FRMD4A: variants seen among roughly 807,000 people sequenced by gnomAD.
FRMD4A encodes the protein FERM domain containing 4A, also known as FERM domain-containing protein 4A.
FRMD4A carries 29 observed loss-of-function variants against 129.1 expected under a neutral mutation model. That is an observed-to-expected ratio of 0.22 (90% CI 0.17 to 0.31). The LOEUF is 0.31. Among genes scored for constraint, FRMD4A ranks in the 10% least tolerant of loss-of-function variants. The probability of loss-of-function intolerance (pLI) is 1.00; values close to 1 mark genes in which losing one functional copy is unlikely to be tolerated. For synonymous variants in FRMD4A, 634 were observed against 571.6 expected (o/e 1.11, Z -1.56); for missense variants, 1,272 against 1,375.8 (o/e 0.92, Z 1.19).
intron 2 of FRMD4A, among the ~76,000 whole-genome samples, chr10:14,039,298 C>T (rs900628443): frequency 5.3e-5 from 8 of 152,210 alleles, no homozygotes; most frequent in African/African-American, 1.9e-4. Flanking sequence ...AGGTTTTTCA[C>T]ATCTAAAAAT....
chr10:13,849,232 G>A (rs1442140394), intron 3 of FRMD4A, among the ~76,000 whole-genome samples: 1 of 152,178 alleles, frequency 6.6e-6, no homozygotes, highest in Non-Finnish European at 1.5e-5. Context: ...CCCTCTGTCT[G>A]CTCCCAGCTT....
At chr10:14,326,774 C>T (rs147001574) in intron 2 of FRMD4A, 101 of 398,416 alleles carry the variant, frequency 2.5e-4, no homozygotes, top group African/African-American at 1.8e-3. Context: ...ACAAATGACA[C>T]GTAGCCAAGA....
At chr10:13,955,165 T>G (rs901844518) in intron 2 of FRMD4A, among the ~76,000 whole-genome samples, 6 of 130,964 alleles carry the variant, frequency 4.6e-5, no homozygotes, top group African/African-American at 1.7e-4. Flanking sequence ...TGGAGTGCAG[T>G]GGCTCAATCT....
rs10450541 is a variant in FRMD4A, at chr10:13,760,410, T to C, written c.464+1237A>G. ...GACTCATGCCTGTAGTCCCAGCAACTTGGGAGGCTGAGGCAGGAGGATCAC... is the reference window on the plus strand; with the variant it reads ...GACTCATGCCTGTAGTCCCAGCAACCTGGGAGGCTGAGGCAGGAGGATCAC... On this transcript the variant is annotated intron_variant, in intron 8 of 24. Coordinates refer to ENST00000357447, the MANE Select transcript of FRMD4A (RefSeq NM_018027.5). 2.7e-3 allele frequency among the ~76,000 whole-genome samples: 408 copies of C among 152,172 alleles called. 3 individuals carry two copies. The highest frequency in any genetic ancestry group is 9.2e-3 in the African/African-American group (382 of 41,526).
chr10:14,010,664 C>CTTTTTTTTTTTTTTTTT lies in FRMD4A; in HGVS notation c.46-151769_46-151753dup, dbSNP rs779471389. Among the ~76,000 whole-genome samples the CTTTTTTTTTTTTTTTTT allele has an allele frequency of 1.1e-3, 83 of 76,424 alleles. 11 individuals are homozygous for CTTTTTTTTTTTTTTTTT. Among genetic ancestry groups the CTTTTTTTTTTTTTTTTT allele is most frequent in the East Asian group, 7.0e-3 (11 of 1,566 alleles). The allele number at this position is 76,424 out of a possible 152,430, so 50.1% of individuals were successfully genotyped here. On this transcript the variant is annotated intron_variant, in intron 2 of 24. Coordinates refer to ENST00000357447, the MANE Select transcript of FRMD4A (RefSeq NM_018027.5). ...TCAAAATTAATTGTCGAGTTTAGGT[C>CTTTTTTTTTTTTTTTTT]TTTTTTTTTTTTTTTTTTTTTTTTA...
intron 2 of FRMD4A, among the ~76,000 whole-genome samples, chr10:14,156,657 C>T (rs1230005300): frequency 3.9e-5 from 6 of 152,102 alleles, no homozygotes; most frequent in Non-Finnish European, 7.4e-5. Flanking sequence ...TTATACCCTT[C>T]GTATGTTTCT....
chr10:13,684,976 T>G (rs915482357), intron 15 of FRMD4A: 2 of 983,740 alleles, frequency 2.0e-6, no homozygotes, highest in African/African-American at 3.5e-5. Context: ...AGGAAAAGGT[T>G]AGAATTCTTC....
At chr10:13,894,937 T>C (rs531341133) in intron 2 of FRMD4A, among the ~76,000 whole-genome samples, 2 of 152,358 alleles carry the variant, frequency 1.3e-5, no homozygotes, top group East Asian at 3.9e-4. Flanking sequence ...TCTTAACCTC[T>C]CTGTGCCTCA....
In FRMD4A at chr10:13,746,539, C is replaced by A. The variant is rs113449002; in HGVS notation, c.548+1197G>T. 7.5e-3 allele frequency among the ~76,000 whole-genome samples: 1,134 copies of A among 152,196 alleles called. 11 individuals are homozygous for A. The highest frequency in any genetic ancestry group is 0.022 in the African/African-American group (924 of 41,506). ...AGCCCTGCATCAAGACATGCCCTAC[C>A]CCAGACACACGAATCAGTGAACAAC... On this transcript the variant is annotated intron_variant, in intron 9 of 24. Transcript: ENST00000357447.
At chr10:14,266,733 A>G (rs979379674) in intron 2 of FRMD4A, among the ~76,000 whole-genome samples, 1 of 152,238 alleles carries the variant, frequency 6.6e-6, no homozygotes, top group Admixed American at 6.5e-5. Flanking sequence ...CTTTCTTATC[A>G]TAAAGAGACT....
chr10:13,667,355 C>G (rs1589275735), intron 17 of FRMD4A: 1 of 151,402 alleles, frequency 6.6e-6, no homozygotes. Context: ...ACCCCACCCC[C>G]CCAGCTCACT....
At chr10:14,030,061 A>C (rs1263580533) in intron 2 of FRMD4A, among the ~76,000 whole-genome samples, 1 of 152,204 alleles carries the variant, frequency 6.6e-6, no homozygotes, top group East Asian at 1.9e-4. Context: ...AGCCAGACTC[A>C]CAGAGGAACA....
At chr10:14,002,525 T>A (rs1049426206) in intron 2 of FRMD4A, among the ~76,000 whole-genome samples, 1 of 152,214 alleles carries the variant, frequency 6.6e-6, no homozygotes, top group Admixed American at 6.5e-5. Context: ...ATTTGCTCAC[T>A]GACAGTTTAT....
At chr10:14,325,045 G>C (rs1454125437) in intron 2 of FRMD4A, among the ~76,000 whole-genome samples, 3 of 152,200 alleles carry the variant, frequency 2.0e-5, no homozygotes, top group Admixed American at 1.3e-4. Context: ...CCATATAATA[G>C]GAAGATGTCC....
chr10:13,785,772 AC>A (rs1184329965), intron 5 of FRMD4A, among the ~76,000 whole-genome samples: 3 of 129,364 alleles, frequency 2.3e-5, no homozygotes, highest in Non-Finnish European at 3.2e-5. Flanking sequence ...CCCTCCCCCT[AC>A]CCCCCACCCC....
intron 2 of FRMD4A, among the ~76,000 whole-genome samples, chr10:14,138,390 G>A (rs1213581959): frequency 1.3e-5 from 2 of 152,160 alleles, no homozygotes; most frequent in African/African-American, 4.8e-5. Flanking sequence ...AGGTTTGATG[G>A]CAATGATAGC....
At chr10:14,160,114 A>G (rs114934383) in intron 2 of FRMD4A, among the ~76,000 whole-genome samples, 24 of 152,310 alleles carry the variant, frequency 1.6e-4, no homozygotes, top group African/African-American at 5.8e-4. Context: ...AAAAACAGAC[A>G]CATATATCAA....
At chr10:13,795,400 T>G (rs1004303445) in intron 5 of FRMD4A, among the ~76,000 whole-genome samples, 2 of 152,220 alleles carry the variant, frequency 1.3e-5, no homozygotes, top group African/African-American at 4.8e-5. Context: ...AAATTTACTC[T>G]GCCAGCTGAG....
chr10:14,033,210 G>A (rs1833332546), intron 2 of FRMD4A, among the ~76,000 whole-genome samples: 1 of 152,012 alleles, frequency 6.6e-6, no homozygotes, highest in African/African-American at 2.4e-5. Context: ...AGGAGGCTGA[G>A]GCAGGAGAAT....
Sources: allele counts gnomAD v4.1 joint callset (sites outside exome capture counted in the v4.1 genomes callset), GRCh38; gene constraint gnomAD v4.1.1; transcripts MANE v1.5; gene names NCBI Gene and HGNC (gene_info 2026-07-23, HGNC 2026-07-21).